ANKEF1: variants seen among roughly 807,000 people sequenced by gnomAD.
ANKEF1 encodes the protein ankyrin repeat and EF-hand domain-containing protein 1.
Under a neutral mutation model 65.1 loss-of-function variants are expected in ANKEF1, and 43 were observed. The observed-to-expected ratio is 0.66, with a 90% CI of 0.52 to 0.85. The LOEUF is 0.85. Among genes scored for constraint, ANKEF1 ranks in the 40% least tolerant of loss-of-function variants. The pLI is 0.00. For missense variants in ANKEF1, 934 were observed against 952.9 expected (o/e 0.98, Z 0.26); for synonymous variants, 316 against 341.5 (o/e 0.93, Z 0.82).
At position 10,053,233 on chromosome 20, in the gene ANKEF1, T is replaced by C. The variant is rs374636148; in HGVS notation, c.1992T>C (p.Pro664=). The C allele has an allele frequency of 6.2e-7, 1 of 1,610,648 alleles. No homozygotes were observed. Among genetic ancestry groups the C allele is most frequent in the Non-Finnish European group, 8.5e-7 (1 of 1,179,044 alleles). Residue 664 remains proline (P), a synonymous_variant, in exon 9 of 11, where the codon CCT becomes CCC. Coordinates refer to ENST00000378392, the MANE Select transcript of ANKEF1 (RefSeq NM_022096.6). ...AENQKLKGKT[P]PILKTEGPEI... ...ATCAAAAACTAAAAGGCAAGACACCTCCTATACTGAAGACTGAAGGCCCTG... is the reference window on the plus strand; with the variant it reads ...ATCAAAAACTAAAAGGCAAGACACCCCCTATACTGAAGACTGAAGGCCCTG...
Position 10,053,102 on chromosome 20 carries a change from G to T in ANKEF1, c.1871-10G>T. ...ATAGTCACTCTGAATTTATGTTTAT[G>T]TTTCAACAGGGCATAGTGCCATGGA... On this transcript the variant is annotated splice_polypyrimidine_tract_variant and intron_variant, in intron 8 of 10. Transcript: ENST00000378392. 6.4e-7 allele frequency: 1 copy of T among 1,570,630 alleles called. No homozygotes were observed.
chr20:10,043,473 A>T (rs112322825), intron 4 of ANKEF1, 152 bp downstream of exon 4: 8 of 712,768 alleles, frequency 1.1e-5, no homozygotes, highest in Middle Eastern at 4.0e-4. Context: ...TATTATCTTC[A>T]TATTGCTGTG....
At position 10,039,835 on chromosome 20, in the gene ANKEF1, T is replaced by C. The variant is rs567304389; in HGVS notation, c.346+1188T>C. On this transcript the variant is annotated intron_variant, in intron 3 of 10. Coordinates refer to ENST00000378392, the MANE Select transcript of ANKEF1 (RefSeq NM_022096.6). ...AATGGTGACATTTTCCATATTTATT[T>C]GACCACAAAATAATTTTTTTTAATG... Among the ~76,000 whole-genome samples, 3 of 152,186 alleles carry C rather than the reference T, an allele frequency of 2.0e-5. 1 individual carries two copies. The highest frequency in any genetic ancestry group is 2.0e-4 in the Admixed American group (3 of 15,280).
At chr20:10,046,053 T>A (rs1315844640) in intron 6 of ANKEF1, among the ~76,000 whole-genome samples, 1 of 152,038 alleles carries the variant, frequency 6.6e-6, no homozygotes, top group Non-Finnish European at 1.5e-5. Flanking sequence ...GGTGGATCAC[T>A]TGAGGTCAGG....
rs1366320912 is a variant in ANKEF1 at position 10,038,295 on chromosome 20, G to A, written c.-7G>A. Reference sequence around the variant, plus strand: ...TCCAGAAAGCATTTTCAAGGAGCTGGTCAAGCATGGCTTTAGCAGATAAGA... The same window carrying A: ...TCCAGAAAGCATTTTCAAGGAGCTGATCAAGCATGGCTTTAGCAGATAAGA... On this transcript the variant is annotated 5_prime_UTR_variant, in exon 3 of 11. Transcript: ENST00000378392. 2 of 1,474,626 alleles carry A rather than the reference G, an allele frequency of 1.4e-6. No homozygotes were observed. The highest frequency in any genetic ancestry group is 2.1e-5 in the Admixed American group (1 of 46,758). 91.3% of individuals were successfully genotyped at this position (1,474,626 alleles called of 1,614,324 possible).
At chr20:10,046,855 T>C (rs1306153987) in intron 6 of ANKEF1, among the ~76,000 whole-genome samples, 1 of 152,218 alleles carries the variant, frequency 6.6e-6, no homozygotes, top group Admixed American at 6.5e-5. Flanking sequence ...ATAACTATAA[T>C]AGCATAATAA....
chr20:10,045,543 T>C (rs756603791), intron 5 of ANKEF1, 31 bp from the exon 6 acceptor site: 13 of 1,608,966 alleles, frequency 8.1e-6, no homozygotes, highest in Admixed American at 5.0e-5. Context: ...ACATTCCTAT[T>C]CCTCCACAAT....
chr20:10,041,968 A>G (rs1254732625), intron 3 of ANKEF1, among the ~76,000 whole-genome samples: 1 of 152,180 alleles, frequency 6.6e-6, no homozygotes. Context: ...GTTATAGTGT[A>G]GAGATCCTTT....
chr20:10,037,624 C>T (rs912097305), intron 2 of ANKEF1, among the ~76,000 whole-genome samples: 3 of 152,154 alleles, frequency 2.0e-5, no homozygotes, highest in African/African-American at 7.2e-5. Context: ...ACTGGTCATA[C>T]CTAGCATGGC....
chr20:10,044,501 G>C lies in ANKEF1; in HGVS notation c.654G>C (p.Arg218Ser). The change falls in exon 5 of 11, where the codon AGG becomes AGC. Residue 218 changes from arginine (R) to serine (S), a missense_variant. Coordinates refer to ENST00000378392, the MANE Select transcript of ANKEF1 (RefSeq NM_022096.6). ...AAGTGAATGCATTTGACAACGACAG[G>C]CATCACGCTGCTCATTTTGCTGCTA... ...GGEVNAFDNDRHHAAHFAAKG... is the reference protein window; with the variant it reads ...GGEVNAFDNDSHHAAHFAAKG... 3 of 1,614,080 alleles carry C rather than the reference G, an allele frequency of 1.9e-6. No homozygotes were observed. The highest frequency in any genetic ancestry group is 2.5e-6 in the Non-Finnish European group (3 of 1,179,984).
rs1216046146 is a variant in ANKEF1, at chr20:10,057,755, A to G, written c.*2095A>G. 6.6e-6 allele frequency: 1 copy of G among 152,240 alleles called. No homozygotes were observed. The highest frequency in any genetic ancestry group is 2.4e-5 in the African/African-American group (1 of 41,470). The allele number at this position is 152,240 out of a possible 1,614,324, so 9.4% of individuals were successfully genotyped here. ...ACTAAGGAAATTAACACTTAAGTGA[A>G]CTATTTAATCTATAGACCTTATTCA... On this transcript the variant is annotated 3_prime_UTR_variant, in exon 11 of 11. Transcript: ENST00000378392.
chr20:10,038,786 T>C (rs1984016524), intron 3 of ANKEF1, 139 bp downstream of exon 3: 1 of 641,544 alleles, frequency 1.6e-6, no homozygotes, highest in Admixed American at 3.0e-5. Context: ...CTCACTCCTA[T>C]ACCTAAACCT....
At chr20:10,043,652 CTTTTTTTTT>C (rs374135080) in intron 4 of ANKEF1, among the ~76,000 whole-genome samples, 2 of 81,374 alleles carry the variant, frequency 2.5e-5, no homozygotes, top group Non-Finnish European at 4.5e-5. Flanking sequence ...TTTTCTTTTC[CTTTTTTTTT>C]TTTTTTTTTT....
chr20:10,035,747 G>A (rs540525671), intron 2 of ANKEF1, 105 bp downstream of exon 2: 1 of 152,234 alleles, frequency 6.6e-6, no homozygotes, highest in South Asian at 2.1e-4. Flanking sequence ...ACATTCCACT[G>A]TACCAAGCTT....
chr20:10,043,056 T>C, intron 3 of ANKEF1, 66 bp from the exon 4 acceptor site: 1 of 1,499,476 alleles, frequency 6.7e-7, no homozygotes, highest in African/African-American at 1.4e-5. Context: ...TTTAATAATT[T>C]TACTTTCCTT....
rs185819937 is a variant in ANKEF1, at chr20:10,051,635, T to C, written c.1644-28T>C. The C allele has an allele frequency of 1.2e-4, 188 of 1,547,794 alleles. 1 individual carries two copies. The East Asian group carries it at 3.8e-3, about 32-fold the overall frequency. On this transcript the variant is annotated intron_variant, in intron 7 of 10. Transcript: ENST00000378392. ...TCCAGTCATTGGAAAACCGTATTTT[T>C]AGTTTGTTCATCTATCTTATTTTAC...
At chr20:10,044,813 G>A (rs1046657792) in intron 5 of ANKEF1, among the ~76,000 whole-genome samples, 17 of 152,070 alleles carry the variant, frequency 1.1e-4, no homozygotes, top group Non-Finnish European at 2.1e-4. Context: ...TAAAACTTCT[G>A]CCACCTGGGA....
intron 2 of ANKEF1, 113 bp downstream of exon 2, chr20:10,035,755 C>T (rs1983804024): frequency 1.3e-5 from 2 of 152,244 alleles, no homozygotes; most frequent in South Asian, 4.1e-4. Context: ...CTGTACCAAG[C>T]TTGTCTTCCT....
At position 10,051,855 on chromosome 20, in the gene ANKEF1, T is replaced by C; in HGVS notation, c.1836T>C (p.Asp612=). 6.2e-7 allele frequency: 1 copy of C among 1,612,668 alleles called. No homozygotes were observed. The highest frequency in any genetic ancestry group is 1.7e-5 in the Admixed American group (1 of 59,974). ...TGGATACAGTAAAATACCTACTTGATATTGGTGCTAAATTCCAGCTGGAAA... is the reference window on the plus strand; with the variant it reads ...TGGATACAGTAAAATACCTACTTGACATTGGTGCTAAATTCCAGCTGGAAA... ...CRLDTVKYLL[D]IGAKFQLENR... The change falls in exon 8 of 11, where the codon GAT becomes GAC. Residue 612 remains aspartate (D), a synonymous_variant. Coordinates refer to ENST00000378392, the MANE Select transcript of ANKEF1 (RefSeq NM_022096.6).
Sources: gnomAD v4.1 joint callset for allele counts (sites outside exome capture counted in the v4.1 genomes callset) on GRCh38, gnomAD v4.1.1 for gene constraint, MANE v1.5 for transcripts, NCBI Gene and HGNC (gene_info 2026-07-23, HGNC 2026-07-21) for gene names.